Variants in MBD5 observed in about 807,000 individuals in gnomAD.
The protein encoded by MBD5 is methyl-CpG-binding domain protein 5.
In MBD5, 13 loss-of-function variants were observed where a neutral mutation model predicts 117.3. The observed-to-expected ratio is 0.11, with a 90% CI of 0.07 to 0.18. The LOEUF (loss-of-function observed/expected upper bound fraction) is 0.18. Among genes scored for constraint, MBD5 ranks in the 10% least tolerant of loss-of-function variants. The probability of loss-of-function intolerance (pLI) is 1.00; values close to 1 mark genes in which losing one functional copy is unlikely to be tolerated. For missense variants in MBD5, 1,879 were observed against 2,093.8 expected (o/e 0.90, Z 2.00); for synonymous variants, 727 against 766.4 (o/e 0.95, Z 0.85).
chr2:148,359,277 A>C (rs886379671), intron 4 of MBD5, among the ~76,000 whole-genome samples: 135 of 152,076 alleles, frequency 8.9e-4, no homozygotes, highest in Non-Finnish European at 1.6e-3. Flanking sequence ...AAAAAAAAAA[A>C]AAAAAAATTG....
At chr2:148,404,474 C>G (rs1384690810) in intron 4 of MBD5, among the ~76,000 whole-genome samples, 1 of 85,344 alleles carries the variant, frequency 1.2e-5, no homozygotes, top group Non-Finnish European at 2.9e-5. Context: ...GCATTTCTCT[C>G]CCAGTGTGTT....
chr2:148,073,789 G>A (rs894577042), intron 1 of MBD5, among the ~76,000 whole-genome samples: 8 of 152,108 alleles, frequency 5.3e-5, no homozygotes, highest in African/African-American at 1.9e-4. Context: ...CAGCTATAAA[G>A]AAATGCCAAG....
intron 4 of MBD5, among the ~76,000 whole-genome samples, chr2:148,427,923 G>A (rs1705856184): frequency 6.6e-6 from 1 of 151,768 alleles, no homozygotes; most frequent in African/African-American, 2.4e-5. Context: ...CATTCCCTTT[G>A]AAAACCGGCA....
At chr2:148,260,570 G>A in intron 3 of MBD5, 1 of 204,986 alleles carries the variant, frequency 4.9e-6, no homozygotes, top group Non-Finnish European at 1.0e-5. Flanking sequence ...CTTCCCTCCT[G>A]CCCCCATATT....
chr2:148,064,276 C>T (rs1374354932), intron 1 of MBD5, among the ~76,000 whole-genome samples: 7 of 151,924 alleles, frequency 4.6e-5, no homozygotes, highest in Non-Finnish European at 8.8e-5. Context: ...CCACCACGCC[C>T]GGCTAATTTT....
intron 3 of MBD5, among the ~76,000 whole-genome samples, chr2:148,308,487 C>CTTTT (rs1701948279): frequency 3.6e-5 from 1 of 27,698 alleles, no homozygotes. Flanking sequence ...TGATGGGGTT[C>CTTTT]TTTCTTTTTT....
At chr2:148,036,142 T>C (rs1236854437) in intron 1 of MBD5, among the ~76,000 whole-genome samples, 1 of 152,146 alleles carries the variant, frequency 6.6e-6, no homozygotes, top group African/African-American at 2.4e-5. Context: ...TTACTTCTTG[T>C]TGAGGGAGAT....
chr2:148,336,111 A>G (rs774866521), intron 3 of MBD5, among the ~76,000 whole-genome samples: 2 of 152,194 alleles, frequency 1.3e-5, no homozygotes, highest in South Asian at 2.1e-4. Flanking sequence ...AAAATCCACC[A>G]TTCTATTTTC....
chr2:148,262,533 T>C (rs1262279500), intron 3 of MBD5, among the ~76,000 whole-genome samples: 3 of 152,128 alleles, frequency 2.0e-5, no homozygotes, highest in Non-Finnish European at 4.4e-5. Context: ...ATACAGATGC[T>C]TTTGTCATTT....
At chr2:148,112,962 C>G (rs1414167544) in intron 1 of MBD5, among the ~76,000 whole-genome samples, 2 of 152,036 alleles carry the variant, frequency 1.3e-5, no homozygotes, top group African/African-American at 4.8e-5. Flanking sequence ...AGTTCGAGAC[C>G]AACTTGGGCA....
chr2:148,260,632 A>T (rs1311905012), intron 3 of MBD5: 2 of 214,304 alleles, frequency 9.3e-6, no homozygotes, highest in East Asian at 2.2e-4. Flanking sequence ...GCTGGGATAA[A>T]CAAGGAATTG....
chr2:148,490,610 T>G lies in MBD5; in HGVS notation c.4962+16T>G, dbSNP rs760744123. On this transcript the variant is annotated intron_variant, in intron 11 of 13. Transcript: ENST00000642680. ...GGAAGGGAAGGTATACCAATCTTTA[T>G]CCATTGTCAAATACTAACCTTTGTT... 11 of 1,613,828 alleles carry G rather than the reference T, an allele frequency of 6.8e-6. No individual in the cohort carries two copies. The highest frequency in any genetic ancestry group is 9.3e-6 in the Non-Finnish European group (11 of 1,179,932).
chr2:148,047,754 T>C (rs1694570964), intron 1 of MBD5, among the ~76,000 whole-genome samples: 2 of 152,228 alleles, frequency 1.3e-5, no homozygotes, highest in African/African-American at 4.8e-5. Context: ...ATACCTCCTT[T>C]GGCAGAATGG....
At chr2:148,359,507 G>A (rs10164630) in intron 4 of MBD5, among the ~76,000 whole-genome samples, 75,800 of 151,840 alleles carry the variant, frequency 0.5, 19,147 homozygotes, top group East Asian at 0.74. Context: ...CTTTAAAAGG[G>A]CACTATTGCC....
chr2:148,152,627 A>G (rs1697714671), intron 1 of MBD5, among the ~76,000 whole-genome samples: 1 of 152,186 alleles, frequency 6.6e-6, no homozygotes, highest in South Asian at 2.1e-4. Flanking sequence ...ATGCTCCTGT[A>G]TTCGTTGCAT....
At chr2:148,426,828 A>G (rs1414265550) in intron 4 of MBD5, among the ~76,000 whole-genome samples, 1 of 152,158 alleles carries the variant, frequency 6.6e-6, no homozygotes, top group Non-Finnish European at 1.5e-5. Context: ...AAGAACTTCT[A>G]CCCAGCAAAA....
At chr2:148,318,489 T>C (rs772452645) in intron 3 of MBD5, among the ~76,000 whole-genome samples, 6 of 152,152 alleles carry the variant, frequency 3.9e-5, no homozygotes, top group Non-Finnish European at 8.8e-5. Flanking sequence ...CTATTTTTCT[T>C]TTTCTGGCAT....
intron 4 of MBD5, among the ~76,000 whole-genome samples, chr2:148,352,459 A>T (rs1039082628): frequency 2.0e-5 from 3 of 152,022 alleles, no homozygotes; most frequent in Admixed American, 6.6e-5. Context: ...CAGCCAAGAT[A>T]AAGAACATTT....
At chr2:148,214,342 T>A (rs1214368404) in intron 2 of MBD5, among the ~76,000 whole-genome samples, 2 of 152,202 alleles carry the variant, frequency 1.3e-5, no homozygotes, top group Non-Finnish European at 2.9e-5. Flanking sequence ...AATTTGAATT[T>A]TATGTAACTT....
Sources: allele counts gnomAD v4.1 joint callset (sites outside exome capture counted in the v4.1 genomes callset), GRCh38; gene constraint gnomAD v4.1.1; transcripts MANE v1.5; gene names NCBI Gene and HGNC (gene_info 2026-07-23, HGNC 2026-07-21).